LYPD6B: variants seen among roughly 807,000 people sequenced by gnomAD.
The protein encoded by LYPD6B is ly6/PLAUR domain-containing protein 6B.
LYPD6B carries 17 observed loss-of-function variants against 22.8 expected under a neutral mutation model. The observed-to-expected ratio is 0.75, with a 90% CI of 0.51 to 1.12. The LOEUF (loss-of-function observed/expected upper bound fraction) is 1.12, where lower values mean the gene tolerates loss of function less well. Ranked by LOEUF, LYPD6B falls within the 50% of genes most tolerant of loss-of-function variation. LYPD6B has a pLI of 0.00. For synonymous variants in LYPD6B, 106 were observed against 91.6 expected (o/e 1.16, Z -0.90); for missense variants, 221 against 258.3 (o/e 0.86, Z 0.99).
At chr2:149,151,126 A>G (rs895379501) in intron 2 of LYPD6B, among the ~76,000 whole-genome samples, 4 of 152,102 alleles carry the variant, frequency 2.6e-5, no homozygotes, top group African/African-American at 4.8e-5. Flanking sequence ...TTTGCCTCCA[A>G]TGTCTGGTGA....
intron 1 of LYPD6B, among the ~76,000 whole-genome samples, chr2:149,127,773 T>C (rs955657629): frequency 2.0e-5 from 3 of 152,164 alleles, no homozygotes; most frequent in Non-Finnish European, 4.4e-5. Flanking sequence ...TCTTATAGAA[T>C]ACCCCCAGTT....
chr2:149,051,961 A>G (rs999491463), intron 1 of LYPD6B, among the ~76,000 whole-genome samples: 4 of 152,032 alleles, frequency 2.6e-5, no homozygotes, highest in Non-Finnish European at 4.4e-5. Flanking sequence ...CTTTGGATAT[A>G]TATTTCCCAT....
chr2:149,069,855 T>C (rs1349538060), intron 1 of LYPD6B, among the ~76,000 whole-genome samples: 1 of 151,982 alleles, frequency 6.6e-6, no homozygotes, highest in African/African-American at 2.4e-5. Context: ...TTCTTTTTAT[T>C]AATAGAAGCT....
At chr2:149,140,614 C>G (rs1489467155) in intron 2 of LYPD6B, among the ~76,000 whole-genome samples, 1 of 152,214 alleles carries the variant, frequency 6.6e-6, no homozygotes, top group Non-Finnish European at 1.5e-5. Flanking sequence ...CAAATAATCT[C>G]TTTAAGCTTA....
At chr2:149,067,158 G>A (rs1156966660) in intron 1 of LYPD6B, among the ~76,000 whole-genome samples, 20 of 152,094 alleles carry the variant, frequency 1.3e-4, no homozygotes, top group Admixed American at 1.2e-3. Flanking sequence ...TTTTATGGCT[G>A]CCTACTATTC....
intron 3 of LYPD6B, among the ~76,000 whole-genome samples, chr2:149,164,038 G>C (rs1004138772): frequency 6.6e-6 from 1 of 152,076 alleles, no homozygotes; most frequent in Non-Finnish European, 1.5e-5. Flanking sequence ...AGATGAATGG[G>C]CCCTCAGAAG....
intron 1 of LYPD6B, among the ~76,000 whole-genome samples, chr2:149,046,662 C>A (rs1396178813): frequency 6.6e-6 from 1 of 151,834 alleles, no homozygotes; most frequent in Non-Finnish European, 1.5e-5. Flanking sequence ...CTTACCTATG[C>A]CTCTTTACAT....
chr2:149,187,152 T>C (rs1394397573), intron 3 of LYPD6B, among the ~76,000 whole-genome samples: 1 of 152,218 alleles, frequency 6.6e-6, no homozygotes, highest in Non-Finnish European at 1.5e-5. Flanking sequence ...TGTGACTTGC[T>C]GTATTGCAGT....
At chr2:149,072,521 T>TATTTTATTTTATTTC (rs145737105) in intron 1 of LYPD6B, among the ~76,000 whole-genome samples, 3,470 of 143,466 alleles carry the variant, frequency 0.024, 63 homozygotes, top group South Asian at 0.05. Context: ...TATTTTATTT[T>TATTTTATTTTATTTC]ATTTTATTTT....
chr2:149,174,400 G>A (rs1263272875), intron 3 of LYPD6B, among the ~76,000 whole-genome samples: 1 of 152,084 alleles, frequency 6.6e-6, no homozygotes, highest in Non-Finnish European at 1.5e-5. Context: ...GATTGCCCTG[G>A]CCAGAACTTC....
At chr2:149,096,453 C>T (rs1685907994) in intron 1 of LYPD6B, among the ~76,000 whole-genome samples, 1 of 152,184 alleles carries the variant, frequency 6.6e-6, no homozygotes, top group African/African-American at 2.4e-5. Context: ...AGACAAGTAG[C>T]AAATATACCC....
intron 1 of LYPD6B, among the ~76,000 whole-genome samples, chr2:149,088,198 G>C (rs967230347): frequency 4.6e-5 from 7 of 151,830 alleles, no homozygotes; most frequent in Non-Finnish European, 1.0e-4. Context: ...ATGGTGAGTG[G>C]CTTCTAGAAC....
chr2:149,070,496 T>C (rs548442511), intron 1 of LYPD6B, among the ~76,000 whole-genome samples: 1 of 152,258 alleles, frequency 6.6e-6, no homozygotes, highest in African/African-American at 2.4e-5. Context: ...CCTAAGACTA[T>C]GGTAATTGTA....
intron 3 of LYPD6B, among the ~76,000 whole-genome samples, chr2:149,197,605 A>G (rs1692894840): frequency 6.6e-6 from 1 of 152,184 alleles, no homozygotes; most frequent in African/African-American, 2.4e-5. Flanking sequence ...TGCCCCCTAT[A>G]TTGTAGCTGG....
intron 1 of LYPD6B, among the ~76,000 whole-genome samples, chr2:149,072,207 C>G (rs1003774350): frequency 1.3e-5 from 2 of 152,180 alleles, no homozygotes; most frequent in African/African-American, 4.8e-5. Flanking sequence ...TTTACCATTT[C>G]TTGACTTTCA....
chr2:149,091,949 G>A (rs1221927287), intron 1 of LYPD6B, among the ~76,000 whole-genome samples: 1 of 145,568 alleles, frequency 6.9e-6, no homozygotes, highest in Non-Finnish European at 1.5e-5. Context: ...GATTCTATGG[G>A]AATCTGGGCT....
At chr2:149,180,109 G>T (rs1402255461) in intron 3 of LYPD6B, among the ~76,000 whole-genome samples, 1 of 152,190 alleles carries the variant, frequency 6.6e-6, no homozygotes, top group South Asian at 2.1e-4. Context: ...GAAGAGAAAT[G>T]CTCTAGCATC....
intron 3 of LYPD6B, among the ~76,000 whole-genome samples, chr2:149,183,149 C>G (rs1216121903): frequency 6.6e-6 from 1 of 152,106 alleles, no homozygotes; most frequent in Non-Finnish European, 1.5e-5. Context: ...ATTTTTTTCC[C>G]TTTCAAGCTT....
intron 2 of LYPD6B, among the ~76,000 whole-genome samples, chr2:149,154,869 T>C (rs229315): frequency 0.79 from 119,495 of 152,160 alleles, 47,238 homozygotes; most frequent in Non-Finnish European, 0.83. Flanking sequence ...CAAGATAATA[T>C]GATTCCATAT....
Sources: gnomAD v4.1 joint callset for allele counts (sites outside exome capture counted in the v4.1 genomes callset) on GRCh38, gnomAD v4.1.1 for gene constraint, MANE v1.5 for transcripts, NCBI Gene and HGNC (gene_info 2026-07-23, HGNC 2026-07-21) for gene names.